Variants in C19orf38 observed in about 807,000 individuals in gnomAD.
The protein encoded by C19orf38 is chromosome 19 open reading frame 38.
A neutral mutation model predicts 26.6 loss-of-function variants in C19orf38; 14 were observed. The ratio of observed to expected loss-of-function variants is 0.53; its 90% confidence interval spans 0.35 to 0.82. C19orf38 has a LOEUF of 0.82. Ranked by LOEUF, C19orf38 falls within the 40% of genes least tolerant of loss-of-function variation. C19orf38 has a pLI of 0.01. For synonymous variants in C19orf38, 132 were observed against 128.5 expected, an observed-to-expected ratio of 1.03 and a Z score of -0.18; for missense variants, 261 against 299.5, an observed-to-expected ratio of 0.87 and a Z score of 0.95.
intron 2 of C19orf38, among the ~76,000 whole-genome samples, chr19:10,851,917 G>A (rs1418360827): frequency 3.3e-5 from 5 of 150,022 alleles, no homozygotes; most frequent in African/African-American, 9.8e-5. Flanking sequence ...GCAGTGAGCC[G>A]AGATTGCGCC....
intron 6 of C19orf38, 141 bp from the exon 7 acceptor site, chr19:10,869,077 C>A (rs2073778427): frequency 8.3e-6 from 9 of 1,080,046 alleles, no homozygotes; most frequent in Non-Finnish European, 9.4e-6. Context: ...GAAGGGAAGA[C>A]CAGGACAGGT....
At chr19:10,867,515 G>T (rs968867980) in intron 6 of C19orf38, among the ~76,000 whole-genome samples, 1 of 150,828 alleles carries the variant, frequency 6.6e-6, no homozygotes, top group Non-Finnish European at 1.5e-5. Flanking sequence ...CTACTCGGGA[G>T]GCTTAGGCAG....
rs1056297778 is a variant in C19orf38 at position 10,863,192 on chromosome 19, G to C, written c.528G>C (p.Leu176=). 6.4e-7 allele frequency: 1 copy of C among 1,551,352 alleles called. No individual in the cohort carries two copies. The highest frequency in any genetic ancestry group is 8.7e-7 in the Non-Finnish European group (1 of 1,146,880). The change falls in exon 6 of 7, where the codon CTG becomes CTC. Residue 176 remains leucine (L), a synonymous_variant. Coordinates refer to ENST00000397820, the MANE Select transcript of C19orf38 (RefSeq NM_001136482.3). ...DSTDMSFDNS[L]FTVSAKTMPE... ...CAGACATGTCCTTCGATAACTCCCTGTTTACCGTCTCCGCGGTGAGTGGTT... is the reference window on the plus strand; with the variant it reads ...CAGACATGTCCTTCGATAACTCCCTCTTTACCGTCTCCGCGGTGAGTGGTT...
At chr19:10,859,871 G>T in intron 4 of C19orf38, 44 bp from the exon 5 acceptor site, 1 of 1,537,584 alleles carries the variant, frequency 6.5e-7, no homozygotes, top group South Asian at 1.2e-5. Flanking sequence ...CTGACTCAAG[G>T]GGCAACCCTG....
intron 1 of C19orf38, 122 bp downstream of exon 1, chr19:10,848,661 A>C (rs1164149981): frequency 1.9e-5 from 17 of 882,610 alleles, no homozygotes; most frequent in Non-Finnish European, 3.0e-5. Flanking sequence ...GAGGAGGCTG[A>C]GCCCTTGGCA....
chr19:10,857,500 G>A (rs1317173127), intron 3 of C19orf38, among the ~76,000 whole-genome samples: 12 of 143,678 alleles, frequency 8.4e-5, no homozygotes, highest in East Asian at 6.8e-4. Context: ...TGCAACCTCC[G>A]CCTCCCAGGT....
chr19:10,849,007 G>A (rs906568052), intron 1 of C19orf38, among the ~76,000 whole-genome samples: 1 of 151,980 alleles, frequency 6.6e-6, no homozygotes. Flanking sequence ...AGACCATCCT[G>A]CAGGAAGCCG....
chr19:10,858,838 G>T (rs1204674706), intron 4 of C19orf38, among the ~76,000 whole-genome samples: 1 of 152,046 alleles, frequency 6.6e-6, no homozygotes, highest in East Asian at 1.9e-4. Context: ...CTCCGAGAGT[G>T]GGGAGACATC....
At chr19:10,860,471 G>T (rs2073685782) in intron 5 of C19orf38, among the ~76,000 whole-genome samples, 1 of 140,558 alleles carries the variant, frequency 7.1e-6, no homozygotes. Context: ...GGAGGCGGAG[G>T]TTGCAGTCAG....
chr19:10,860,320 T>C (rs1217345537), intron 5 of C19orf38, among the ~76,000 whole-genome samples: 1 of 151,178 alleles, frequency 6.6e-6, no homozygotes, highest in Non-Finnish European at 1.5e-5. Context: ...GATCACGAGG[T>C]CAGGAATTCG....
chr19:10,841,585 G>A (rs2073478200), intron 1 of C19orf38, among the ~76,000 whole-genome samples: 1 of 152,178 alleles, frequency 6.6e-6, no homozygotes, highest in Admixed American at 6.5e-5. Flanking sequence ...AAGGTCAGGA[G>A]ATCGAGACCA....
chr19:10,854,492 C>T (rs2073605276), intron 2 of C19orf38, among the ~76,000 whole-genome samples: 1 of 152,236 alleles, frequency 6.6e-6, no homozygotes, highest in Non-Finnish European at 1.5e-5. Flanking sequence ...CAAAGGCCCC[C>T]TTCTCTCACC....
chr19:10,851,354 T>TA (rs1282073414), intron 2 of C19orf38, among the ~76,000 whole-genome samples: 1 of 149,950 alleles, frequency 6.7e-6, no homozygotes, highest in Non-Finnish European at 1.5e-5. Flanking sequence ...ACCTGGCTTT[T>TA]TTTTTTTTTT....
chr19:10,838,326 T>C (rs1393798735), intron 1 of C19orf38, among the ~76,000 whole-genome samples: 2 of 152,056 alleles, frequency 1.3e-5, no homozygotes, highest in Admixed American at 1.3e-4. Context: ...AGGAGAATGG[T>C]GTGAACCTGG....
At chr19:10,860,840 C>CAAAAAA (rs60601259) in intron 5 of C19orf38, among the ~76,000 whole-genome samples, 1 of 42,662 alleles carries the variant, frequency 2.3e-5, no homozygotes, top group Non-Finnish European at 5.4e-5. Context: ...GACTCCATCT[C>CAAAAAA]AAAAAAAAAA....
At chr19:10,858,244 A>C (rs909932373) in intron 3 of C19orf38, 72 bp from the exon 4 acceptor site, 10 of 1,235,468 alleles carry the variant, frequency 8.1e-6, no homozygotes, top group African/African-American at 1.5e-5. Context: ...AAAAAAAAAA[A>C]AAAAAAAACA....
At chr19:10,844,423 T>G (rs1417245722), upstream of C19orf38, among the ~76,000 whole-genome samples, 1 of 119,806 alleles carries the variant, frequency 8.3e-6, no homozygotes, top group African/African-American at 3.2e-5. Flanking sequence ...AAAAAAAAAT[T>G]TAAAAAGCTA....
chr19:10,869,130 G>C (rs2073778992), intron 6 of C19orf38, 88 bp from the exon 7 acceptor site: 2 of 1,495,402 alleles, frequency 1.3e-6, no homozygotes, highest in African/African-American at 1.4e-5. Context: ...TGCTGGGCTG[G>C]CAGAGTCTCA....
rs1268021373 is a variant in C19orf38, at chr19:10,857,934, A to AAAG, written c.434-381_434-380insAGA. 8.5e-5 allele frequency among the ~76,000 whole-genome samples: 11 copies of AAAG among 129,404 alleles called. 1 individual carries two copies. The highest frequency in any genetic ancestry group is 5.3e-4 in the Admixed American group (7 of 13,176). The allele number at this position is 129,404 out of a possible 152,430, so 84.9% of individuals were successfully genotyped here. A position where few individuals can be genotyped will look rare whatever the true frequency, so the allele number is the denominator to read the frequency against. On this transcript the variant is annotated intron_variant, in intron 3 of 6. Transcript: ENST00000397820. ...AGAAAGAAAGAAAGAAAGAAAGAAA[A>AAAG]ATCTGAGGCCTTCCAGGCTGGGTGG...
Sources: allele counts gnomAD v4.1 joint callset (sites outside exome capture counted in the v4.1 genomes callset), GRCh38; gene constraint gnomAD v4.1.1; transcripts MANE v1.5; gene names NCBI Gene and HGNC (gene_info 2026-07-23, HGNC 2026-07-21).